The following ZAN variants were observed in gnomAD, a reference collection of about 807,000 sequenced individuals.
ZAN encodes zonadhesin.
ZAN carries 260 observed loss-of-function variants against 286.2 expected under a neutral mutation model. The observed-to-expected ratio is 0.91, with a 90% CI of 0.82 to 1.01. The LOEUF (loss-of-function observed/expected upper bound fraction) is 1.01. ZAN is among the 50% of genes least tolerant of loss of function. ZAN has a pLI of 0.00. For synonymous variants in ZAN, 1,368 were observed against 1,417.5 expected, an observed-to-expected ratio of 0.97 and a Z score of 0.79; for missense variants, 3,410 against 3,639.2, an observed-to-expected ratio of 0.94 and a Z score of 1.62.
Position 100,775,473 on chromosome 7 carries a change from G to C in ZAN, c.5925G>C (p.Lys1975Asn). 1 of 1,614,000 alleles carries C rather than the reference G, an allele frequency of 6.2e-7. No individual in the cohort carries two copies. The highest frequency in any genetic ancestry group is 8.5e-7 in the Non-Finnish European group (1 of 1,179,892). The change falls in exon 32 of 48, where the codon AAG becomes AAC. Residue 1975 changes from lysine to asparagine, a missense_variant. Around this residue, in one of 7 missense-constraint regions of ZAN, gnomAD observed 1,289 missense variants for 1,314.3 expected, o/e 0.98. Transcript: ENST00000613979. ...TGCCCTTCTTCAAGATCAGTGCCAAGCATGAGAAGGAGGAAGGTGGAACTG... is the reference window on the plus strand; with the variant it reads ...TGCCCTTCTTCAAGATCAGTGCCAACCATGAGAAGGAGGAAGGTGGAACTG... ...MALPFFKISA[K>N]HEKEEGGTEA...
chr7:100,792,287 C>A (rs761464297), intron 41 of ZAN, 118 bp from the exon 42 acceptor site: 87 of 1,509,438 alleles, frequency 5.8e-5, no homozygotes, highest in Admixed American at 8.7e-5. Context: ...TTCCTTGTGA[C>A]CCTCACTGGA....
Position 100,747,567 on chromosome 7 carries a change from A to G in ZAN, c.949A>G (p.Thr317Ala), listed in dbSNP as rs1362472911. 1 of 1,613,552 alleles carries G rather than the reference A, an allele frequency of 6.2e-7. No individual in the cohort carries two copies. The highest frequency in any genetic ancestry group is 1.1e-5 in the South Asian group (1 of 91,070). Reference protein sequence around the residue: ...ASVLGSIRKHTLFSGQPGPNW... With the variant: ...ASVLGSIRKHALFSGQPGPNW... Reference sequence around the variant, plus strand: ...CACTGCAGGGAGTATCCGGAAACACACTCTCTTCTCAGGACAACCTGGGCC... The same window carrying G: ...CACTGCAGGGAGTATCCGGAAACACGCTCTCTTCTCAGGACAACCTGGGCC... Residue 317 changes from threonine to alanine, a missense_variant, in exon 9 of 48, where the codon ACT becomes GCT. Coordinates refer to ENST00000613979, the MANE Select transcript of ZAN (RefSeq NM_003386.3).
At position 100,736,818 on chromosome 7, in the gene ZAN, A is replaced by G. The variant is rs772332231; in HGVS notation, c.263A>G (p.Tyr88Cys). Residue 88 changes from tyrosine (Y) to cysteine (C), a missense_variant, in exon 5 of 48, where the codon TAT becomes TGT. Physicochemically the swap from Tyr to Cys is radical, Grantham distance 194. Transcript: ENST00000613979. Reference protein sequence around the residue: ...PGGYPNGEGSYLHMESNSFHR... With the variant: ...PGGYPNGEGSCLHMESNSFHR... ...GCTCTGCCTCCCCCAGAGGGCAGCT[A>G]TCTGCATATGGAATCGAACAGCTTC... 6 of 1,477,146 alleles carry G rather than the reference A, an allele frequency of 4.1e-6. No individual in the cohort carries two copies. In the South Asian group the frequency reaches 7.1e-5, roughly 18 times the overall value. The allele number at this position is 1,477,146 out of a possible 1,614,324, so 91.5% of individuals were successfully genotyped here.
At position 100,792,130 on chromosome 7, in the gene ZAN, C is replaced by T. The variant is rs1812017655; in HGVS notation, c.7694C>T (p.Ala2565Val). The change falls in exon 41 of 48, where the codon GCC becomes GTC. Residue 2565 changes from alanine to valine, a missense_variant. By Grantham distance (64) the Ala-to-Val change is moderately conservative. Transcript: ENST00000613979. ...TTTGCTGCCTGTCACCAGACGGTGG[C>T]CCCAGAGCCCTTCCAAGAGTGAGTC... ...GPFAACHQTV[A>V]PEPFQEHCVL... The T allele has an allele frequency of 1.2e-6, 2 of 1,609,246 alleles. No individual in the cohort carries two copies. Among genetic ancestry groups the T allele is most frequent in the Non-Finnish European group, 1.7e-6 (2 of 1,178,196 alleles).
intron 13 of ZAN, 45 bp downstream of exon 13, chr7:100,751,311 G>T: frequency 7.3e-7 from 1 of 1,375,988 alleles, no homozygotes; most frequent in Non-Finnish European, 9.8e-7. Flanking sequence ...GTGCCCTGAG[G>T]TTCCCTGGAG....
Position 100,735,634 on chromosome 7 carries a change from C to T in ZAN, c.54-86C>T. 2 of 1,047,882 alleles carry T rather than the reference C, an allele frequency of 1.9e-6. 1 individual carries two copies. Among genetic ancestry groups the T allele is most frequent in the Non-Finnish European group, 2.8e-6 (2 of 706,652 alleles). The allele number at this position is 1,047,882 out of a possible 1,614,324, so 64.9% of individuals were successfully genotyped here. ...TAAACACTGATCATCCTTACGTGAC[C>T]ACTCAGAAAGCTCACAGTCACTGAA... On this transcript the variant is annotated intron_variant, in intron 2 of 47. Transcript: ENST00000613979.
rs1234061637 is a variant in ZAN, at chr7:100,765,421, G to T, written c.4337G>T (p.Gly1446Val). Residue 1446 changes from glycine (G) to valine (V), a missense_variant, in exon 23 of 48, where the codon GGA becomes GTA. Gly to Val is a moderately radical substitution (Grantham distance 109). This residue lies in a region of ZAN where 1,042 missense variants were observed against 1,058.0 expected (regional missense o/e 0.98). Transcript: ENST00000613979. ...AKPCPDTCHS[G>V]FSGMFCSDRC... The stretch of plus-strand genomic sequence containing the variant: ...CCATGCCCTGACACCTGCCATTCAG[G>T]ATTCTCCGGCATGTTCTGCTCAGAC... The T allele has an allele frequency of 6.2e-7, 1 of 1,613,990 alleles. No homozygotes were observed. The highest frequency in any genetic ancestry group is 1.6e-4 in the Middle Eastern group (1 of 6,062).
chr7:100,759,980 A>G lies in ZAN; in HGVS notation c.3696+135A>G. 4 of 1,365,794 alleles carry G rather than the reference A, an allele frequency of 2.9e-6. No homozygotes were observed. The East Asian group carries it at 7.7e-5, about 26-fold the overall frequency. The allele number at this position is 1,365,794 out of a possible 1,614,324, so 84.6% of individuals were successfully genotyped here. On this transcript the variant is annotated intron_variant, in intron 18 of 47. Coordinates refer to ENST00000613979, the MANE Select transcript of ZAN (RefSeq NM_003386.3). ...TGCAATCCCAGCTCCTTGGGAGGCT[A>G]AAGTGGGAGGATTGCTTGAGGCCAG...
At chr7:100,795,682 G>A (rs944996131) in intron 45 of ZAN, among the ~76,000 whole-genome samples, 1 of 151,816 alleles carries the variant, frequency 6.6e-6, no homozygotes, top group African/African-American at 2.4e-5. Context: ...TGAGGTGGGC[G>A]GATCACGAGG....
intron 41 of ZAN, 56 bp from the exon 42 acceptor site, chr7:100,792,349 G>T: frequency 6.5e-7 from 1 of 1,544,022 alleles, no homozygotes; most frequent in South Asian, 1.2e-5. Context: ...CTGCAGGGGT[G>T]GGTCTCCTCC....
rs370747330 is a variant in ZAN at position 100,775,428 on chromosome 7, G to C, written c.5880G>C (p.Val1960=). 1.1e-5 allele frequency: 17 copies of C among 1,613,928 alleles called. No homozygotes were observed. Among genetic ancestry groups the C allele is most frequent in the Non-Finnish European group, 1.4e-5 (17 of 1,179,886 alleles). ...PDACTLVLVK[V]CHPAMALPFF... ...CCTGCACTCTTGTCCTGGTGAAAGT[G>C]TGCCACCCCGCCATGGCCTTGCCCT... The change falls in exon 32 of 48, where the codon GTG becomes GTC. Residue 1960 remains valine, a synonymous_variant. Transcript: ENST00000613979.
At position 100,767,052 on chromosome 7, in the gene ZAN, C is replaced by A. The variant is rs1385207125; in HGVS notation, c.4655C>A (p.Thr1552Asn). The change falls in exon 25 of 48, where the codon ACC becomes AAC. Residue 1552 changes from threonine to asparagine, a missense_variant. Thr to Asn is a moderately conservative substitution (Grantham distance 65). Around this residue, in one of 7 missense-constraint regions of ZAN, gnomAD observed 1,042 missense variants for 1,058.0 expected, o/e 0.98. Transcript: ENST00000613979. ...GCCTCGGGTGACCCCCACTACCTGACCTTCGATGGCGCCTTGCACCACTTC... is the reference window on the plus strand; with the variant it reads ...GCCTCGGGTGACCCCCACTACCTGAACTTCGATGGCGCCTTGCACCACTTC... ...CTASGDPHYLTFDGALHHFMG... is the reference protein window; with the variant it reads ...CTASGDPHYLNFDGALHHFMG... The A allele has an allele frequency of 3.7e-6, 6 of 1,613,824 alleles. No individual in the cohort carries two copies. In the African/African-American group the frequency reaches 4.0e-5, roughly 11 times the overall value.
At chr7:100,746,199 C>T (rs1268423256) in intron 7 of ZAN, among the ~76,000 whole-genome samples, 1 of 152,158 alleles carries the variant, frequency 6.6e-6, no homozygotes, top group African/African-American at 2.4e-5. Context: ...GATTGCGCCA[C>T]TGCACTCCAG....
intron 11 of ZAN, among the ~76,000 whole-genome samples, chr7:100,748,886 A>G (rs1243150324): frequency 6.6e-6 from 1 of 151,364 alleles, no homozygotes; most frequent in Non-Finnish European, 1.5e-5. Context: ...TTTTTTTTTA[A>G]TTAGCTAGAT....
intron 22 of ZAN, among the ~76,000 whole-genome samples, chr7:100,764,685 T>C (rs1385650101): frequency 7.0e-6 from 1 of 143,548 alleles, no homozygotes; most frequent in East Asian, 2.0e-4. Flanking sequence ...TGAGACTCCA[T>C]CTCAAAAAAT....
rs1343336083 is a variant in ZAN at position 100,752,007 on chromosome 7, C to T, written c.1902C>T (p.Thr634=). The T allele has an allele frequency of 6.2e-7, 1 of 1,612,852 alleles. No individual in the cohort carries two copies. Among genetic ancestry groups the T allele is most frequent in the Admixed American group, 1.7e-5 (1 of 59,836 alleles). Residue 634 remains threonine, a synonymous_variant, in exon 14 of 48, where the codon ACC becomes ACT. Transcript: ENST00000613979. The part of the protein sequence containing the change: ...EKPTILTEKP[T]IPSEKPTIPS... ...CCACCATCCTCACAGAAAAACCCAC[C>T]ATTCCCTCAGAAAAACCCACCATTC...
chr7:100,750,992 G>A (rs1246730179), intron 12 of ZAN, 96 bp downstream of exon 12: 80 of 1,492,242 alleles, frequency 5.4e-5, no homozygotes, highest in Non-Finnish European at 6.9e-5. Context: ...TGGAAAGCTG[G>A]AAAGAGAGCC....
chr7:100,779,905 A>AT (rs931907828), intron 35 of ZAN, among the ~76,000 whole-genome samples, 155 bp downstream of exon 35: 3 of 152,144 alleles, frequency 2.0e-5, no homozygotes, highest in African/African-American at 7.2e-5. Flanking sequence ...TTTATATAAA[A>AT]TTTTTTTTGC....
intron 15 of ZAN, 76 bp downstream of exon 15, chr7:100,755,486 C>T: frequency 6.5e-7 from 1 of 1,545,508 alleles, no homozygotes. Flanking sequence ...CCATCTGCTC[C>T]CCATGTGAAG....
Sources: allele counts gnomAD v4.1 joint callset (sites outside exome capture counted in the v4.1 genomes callset), GRCh38; gene constraint gnomAD v4.1.1; regional missense constraint gnomAD v4.1.1; transcripts MANE v1.5; gene names NCBI Gene and HGNC (gene_info 2026-07-23, HGNC 2026-07-21).